Variants in CXXC1 observed in about 807,000 individuals in gnomAD.
CXXC1 encodes the protein CXXC-type zinc finger protein 1.
CXXC1 carries 21 observed loss-of-function variants against 83.6 expected under a neutral mutation model. The observed-to-expected ratio is 0.25, with a 90% confidence interval of 0.18 to 0.36. The LOEUF (loss-of-function observed/expected upper bound fraction) is 0.36. Ranked by LOEUF, CXXC1 falls within the 10% of genes least tolerant of loss-of-function variation. The probability of loss-of-function intolerance (pLI) is 1.00; values close to 1 mark genes in which losing one functional copy is unlikely to be tolerated. For synonymous variants in CXXC1, 371 were observed against 337.5 expected, an observed-to-expected ratio of 1.10 and a Z score of -1.09; for missense variants, 688 against 919.5, an observed-to-expected ratio of 0.75 and a Z score of 3.26.
rs755803985 is a variant in CXXC1, at chr18:50,286,122, C to T, written c.359G>A (p.Arg120His). The T allele has an allele frequency of 8.7e-6, 14 of 1,613,838 alleles. No individual in the cohort carries two copies. Among genetic ancestry groups the T allele is most frequent in the Middle Eastern group, 1.6e-4 (1 of 6,084 alleles). ...AACCCCTGTCCCTGACCCTGCCCGG[C>T]GCTGCAGGTCTGGATCAGGGACAGG... ...KRPVPDPDLQ[R>H]RAGSGTGVGA... The change falls in exon 4 of 15, where the codon CGC (arginine) becomes CAC (histidine). Residue 120 changes from arginine to histidine, a missense_variant. Transcript: ENST00000285106.
rs1409983776 is a variant in CXXC1 at position 50,285,325 on chromosome 18, C to T, written c.666G>A (p.Ser222=). 1 of 1,603,806 alleles carries T rather than the reference C, an allele frequency of 6.2e-7. No homozygotes were observed. Among genetic ancestry groups the T allele is most frequent in the Non-Finnish European group, 8.5e-7 (1 of 1,173,940 alleles). Residue 222 remains serine, a splice_region_variant and synonymous_variant, in exon 6 of 15, where the codon TCG becomes TCA. Coordinates refer to ENST00000285106, the MANE Select transcript of CXXC1 (RefSeq NM_014593.4). This position sits in a 1 kb window ranked among gnomAD's most constrained non-coding sequence, Gnocchi z 4.4. The stretch of plus-strand genomic sequence containing the variant: ...CCCCACCCTGGGGGGCTGGACTCAC[C>T]GAGGAAGGGAAGTACTTGTACGATT... ...ARESYKYFPS[S]LSPVTPSESL... is the part of the protein sequence containing the mutation.
chr18:50,287,410 C>T (rs760849132), intron 1 of CXXC1, 177 bp downstream of exon 1: 3 of 725,328 alleles, frequency 4.1e-6, no homozygotes, highest in Admixed American at 2.4e-5. Flanking sequence ...AGGAGCCCCC[C>T]ACCGTGGCTC....
Position 50,285,514 on chromosome 18 carries a change from G to T in CXXC1, c.640-163C>A. 1 of 1,004,750 alleles carries T rather than the reference G, an allele frequency of 1.0e-6. No individual in the cohort carries two copies. Among genetic ancestry groups the T allele is most frequent in the Non-Finnish European group, 1.4e-6 (1 of 692,922 alleles). The allele number at this position is 1,004,750 out of a possible 1,614,324, so 62.2% of individuals were successfully genotyped here. A position where few individuals can be genotyped will look rare whatever the true frequency, so the allele number is the denominator to read the frequency against. ...CTGCCTGATCTGTACCAACATGCAT[G>T]ACCACCTGAAAACACCTGGCCCCAC... On this transcript the variant is annotated intron_variant, in intron 5 of 14. Transcript: ENST00000285106. The surrounding 1 kb of genome is among the most constrained non-coding windows in gnomAD (Gnocchi z 4.4).
Position 50,282,493 on chromosome 18 carries a change from G to C in CXXC1, c.*100C>G. ...GGCGGTCAACCGGTGGATGGGCACA[G>C]GGAGAACCGGAGAAACAGATGAGTG... On this transcript the variant is annotated 3_prime_UTR_variant, in exon 15 of 15. Transcript: ENST00000285106. This position sits in a 1 kb window ranked among gnomAD's most constrained non-coding sequence, Gnocchi z 5.8. The C allele has an allele frequency of 6.8e-7, 1 of 1,463,678 alleles. No homozygotes were observed. Among genetic ancestry groups the C allele is most frequent in the Non-Finnish European group, 9.4e-7 (1 of 1,068,938 alleles). The allele number at this position is 1,463,678 out of a possible 1,614,324, so 90.7% of individuals were successfully genotyped here. A position where few individuals can be genotyped will look rare whatever the true frequency, so the allele number is the denominator to read the frequency against.
chr18:50,284,238 G>GTGGGTAGGTGGA, intron 9 of CXXC1, 137 bp from the exon 10 acceptor site: 3 of 1,434,172 alleles, frequency 2.1e-6, no homozygotes, highest in Non-Finnish European at 2.8e-6. Flanking sequence ...GGGCAGGTGG[G>GTGGGTAGGTGGA]TGGGTAGGTG....
Position 50,285,723 on chromosome 18 carries a change from C to T in CXXC1, c.639+26G>A, listed in dbSNP as rs1399005811. On this transcript the variant is annotated intron_variant, in intron 5 of 14. Transcript: ENST00000285106. The surrounding 1 kb of genome is among the most constrained non-coding windows in gnomAD (Gnocchi z 4.4). ...GACCCACCAGCTCTCCCACACCTGA[C>T]CCTACCCAGCTCTGTCCATGCTCAC... is the stretch of plus-strand genomic sequence containing the variant. The T allele has an allele frequency of 1.9e-6, 3 of 1,607,432 alleles. No individual in the cohort carries two copies. The highest frequency in any genetic ancestry group is 1.7e-4 in the Middle Eastern group (1 of 5,930).
intron 13 of CXXC1, 124 bp downstream of exon 13, chr18:50,283,141 T>C (rs1599664348): frequency 2.4e-6 from 3 of 1,269,300 alleles, no homozygotes; most frequent in Admixed American, 1.8e-5. Context: ...GAATGGAGGG[T>C]GAAGCAGCAG....
At chr18:50,287,358 C>T in intron 1 of CXXC1, 2 of 563,804 alleles carry the variant, frequency 3.5e-6, no homozygotes, top group Middle Eastern at 2.7e-4. Flanking sequence ...ATCATGGTTT[C>T]CCACGGAACT....
chr18:50,283,940 G>A lies in CXXC1; in HGVS notation c.1367C>T (p.Ala456Val), dbSNP rs2040670628. The A allele has an allele frequency of 6.2e-7, 1 of 1,614,058 alleles. No homozygotes were observed. The highest frequency in any genetic ancestry group is 8.5e-7 in the Non-Finnish European group (1 of 1,180,042). Residue 456 changes from alanine (A) to valine (V), a missense_variant, in exon 10 of 15, where the codon GCC becomes GTC. Coordinates refer to ENST00000285106, the MANE Select transcript of CXXC1 (RefSeq NM_014593.4). ...CTGCTGCTTGGCACGTAGAATGATG[G>A]CCTCAAGCTCATGGAATCGGCGTTC... ...EMERRFHELE[A>V]IILRAKQQAV...
chr18:50,287,136 TCA>T, intron 1 of CXXC1: 1 of 518,312 alleles, frequency 1.9e-6, no homozygotes, highest in Non-Finnish European at 3.5e-6. Flanking sequence ...TCGTGGCGCC[TCA>T]CAGACCCCGC....
At chr18:50,283,872 T>G in intron 10 of CXXC1, 22 bp downstream of exon 10, 3 of 1,613,996 alleles carry the variant, frequency 1.9e-6, no homozygotes, top group Non-Finnish European at 2.5e-6. Flanking sequence ...GGCCCTGCTC[T>G]GCTGCGCCCC....
Position 50,286,842 on chromosome 18 carries a change from T to A in CXXC1, c.20A>T (p.Asp7Val), listed in dbSNP as rs759327307. 1.9e-6 allele frequency: 3 copies of A among 1,613,028 alleles called. No homozygotes were observed. In the South Asian group the frequency reaches 3.3e-5, roughly 18 times the overall value. The change falls in exon 2 of 15, where the codon GAC becomes GTC. Residue 7 changes from aspartate to valine, a missense_variant. Asp to Val is a radical substitution (Grantham distance 152). Around this residue, in one of 9 missense-constraint regions of CXXC1, gnomAD observed 51 missense variants for 48.0 expected, o/e 1.06. Coordinates refer to ENST00000285106, the MANE Select transcript of CXXC1 (RefSeq NM_014593.4). The stretch of plus-strand genomic sequence containing the variant: ...CTCCCCGGCATCTGGAGGCTCTGGG[T>A]CTGAACCATCTCCCTCCTGCAGGAC... MEGDGS[D>V]PEPPDAGEDS...
intron 12 of CXXC1, 47 bp from the exon 13 acceptor site, chr18:50,283,408 C>T: frequency 6.3e-7 from 1 of 1,599,406 alleles, no homozygotes; most frequent in Non-Finnish European, 8.6e-7. Context: ...GAAGGGAGGT[C>T]CATCTGTCCT....
Position 50,285,788 on chromosome 18 carries a change from C to T in CXXC1, c.600G>A (p.Arg200=). The part of the protein sequence containing the change: ...MKKFGGPNKI[R]QKCRLRQCQL... ...GGCACTGGCGCAGCCGGCACTTCTG[C>T]CGGATCTTGTTGGGGCCCCCGAACT... The change falls in exon 5 of 15, where the codon CGG becomes CGA. Residue 200 remains arginine (R), a synonymous_variant. Coordinates refer to ENST00000285106, the MANE Select transcript of CXXC1 (RefSeq NM_014593.4). The surrounding 1 kb of genome is among the most constrained non-coding windows in gnomAD (Gnocchi z 4.4). The T allele has an allele frequency of 2.5e-6, 4 of 1,614,052 alleles. No individual in the cohort carries two copies. Among genetic ancestry groups the T allele is most frequent in the Non-Finnish European group, 3.4e-6 (4 of 1,180,044 alleles).
rs773528091 is a variant in CXXC1 at position 50,286,266 on chromosome 18, C to T, written c.224-9G>A. The T allele has an allele frequency of 3.1e-6, 5 of 1,593,912 alleles. No individual in the cohort carries two copies. Among genetic ancestry groups the T allele is most frequent in the Non-Finnish European group, 3.4e-6 (4 of 1,171,982 alleles). The stretch of plus-strand genomic sequence containing the variant: ...TAGCTTGGGGTCTTTCTCTGTGGGG[C>T]AGAGAGTAGGGCCAAAGTGAGTGAG... On this transcript the variant is annotated splice_polypyrimidine_tract_variant and intron_variant, in intron 3 of 14. Transcript: ENST00000285106.
intron 13 of CXXC1, 64 bp from the exon 14 acceptor site, chr18:50,283,070 A>G (rs996681219): frequency 1.3e-6 from 2 of 1,549,708 alleles, no homozygotes; most frequent in Middle Eastern, 1.7e-4. Context: ...ATGGGGGCTC[A>G]AGGAGGGAGA....
In CXXC1 at chr18:50,283,877, C is replaced by G; in HGVS notation, c.1413+17G>C. ...ACAAAGTACAGGCCCTGCTCTGCTG[C>G]GCCCCTGCTTGCTCACCTCCTCATC... On this transcript the variant is annotated intron_variant, in intron 10 of 14. Transcript: ENST00000285106. 6.2e-7 allele frequency: 1 copy of G among 1,613,870 alleles called. No homozygotes were observed.
Position 50,284,135 on chromosome 18 carries a change from AGGT to A in CXXC1, c.1206-37_1206-35del. On this transcript the variant is annotated intron_variant, in intron 9 of 14. Transcript: ENST00000285106. ...AAGGTAGCAAGCAACAGAATGAGTG[AGGT>A]GATCAGTAAGTGAGAATGGCAAAAT... is the stretch of plus-strand genomic sequence containing the variant. 1.9e-6 allele frequency: 3 copies of A among 1,585,428 alleles called. No homozygotes were observed. In the East Asian group the frequency reaches 6.8e-5, roughly 36 times the overall value.
rs373356524 is a variant in CXXC1, at chr18:50,286,804, C to T, written c.58G>A (p.Glu20Lys). The T allele has an allele frequency of 8.1e-6, 13 of 1,614,148 alleles. No homozygotes were observed. The highest frequency in any genetic ancestry group is 1.1e-5 in the Non-Finnish European group (13 of 1,180,004). ...TAGATGGGCGCATTCTCCCCATTCT[C>T]GGACTTGCTGTCCTCCCCGGCATCT... ...PPDAGEDSKS[E>K]NGENAPIYCI... Residue 20 changes from glutamate (E) to lysine (K), a missense_variant, in exon 2 of 15, where the codon GAG becomes AAG. Glu to Lys is a moderately conservative substitution (Grantham distance 56, BLOSUM62 1). Transcript: ENST00000285106.
Sources: gnomAD v4.1 joint callset for allele counts on GRCh38, gnomAD v4.1.1 for gene constraint, gnomAD v4.1.1 regional missense constraint, Gnocchi (gnomAD v3.1) non-coding constraint, MANE v1.5 for transcripts, NCBI Gene and HGNC (gene_info 2026-07-23, HGNC 2026-07-21) for gene names.